NR1H3: variants seen among roughly 807,000 people sequenced by gnomAD.
NR1H3 encodes the protein nuclear receptor subfamily 1 group H member 3.
In NR1H3, 19 loss-of-function variants were observed where a neutral mutation model predicts 48.1. The ratio of observed to expected loss-of-function variants is 0.40; its 90% CI spans 0.28 to 0.58. The LOEUF (loss-of-function observed/expected upper bound fraction) is 0.58, where lower values mean the gene tolerates loss of function less well. NR1H3 is among the 20% of genes least tolerant of loss of function. NR1H3 has a pLI of 0.50. For missense variants in NR1H3, 486 were observed against 595.9 expected, an observed-to-expected ratio of 0.82 and a Z score of 1.92; for synonymous variants, 232 against 227.3, an observed-to-expected ratio of 1.02 and a Z score of -0.19.
chr11:47,265,092 G>A (rs1223171220), intron 7 of NR1H3, among the ~76,000 whole-genome samples: 4 of 152,084 alleles, frequency 2.6e-5, no homozygotes, highest in African/African-American at 7.2e-5. Context: ...TCAGGAGTTC[G>A]AGACCAGCCT....
At chr11:47,259,010 C>G in intron 1 of NR1H3, 170 bp from the exon 2 acceptor site, 3 of 1,253,506 alleles carry the variant, frequency 2.4e-6, no homozygotes, top group Non-Finnish European at 3.2e-6. Flanking sequence ...GAACCTGTCT[C>G]TAAAAAACAT....
At chr11:47,251,261 C>T (rs2135562072) in intron 1 of NR1H3, among the ~76,000 whole-genome samples, 1 of 152,238 alleles carries the variant, frequency 6.6e-6, no homozygotes, top group Middle Eastern at 3.4e-3. Flanking sequence ...ATTGGTGATC[C>T]CGAAATCCTT....
Position 47,260,090 on chromosome 11 carries a change from G to A in NR1H3, c.232+111G>A, listed in dbSNP as rs568444408. ...ATATATAATCTCATGGTTAAGTTCA[G>A]AGGCTTTAGAGCTAACTAAATCTGA... On this transcript the variant is annotated intron_variant, in intron 3 of 9. Coordinates refer to ENST00000441012, the MANE Select transcript of NR1H3 (RefSeq NM_005693.4). The A allele has an allele frequency of 1.9e-5, 19 of 1,017,738 alleles. No homozygotes were observed. The African/African-American group carries it at 2.8e-4, about 15-fold the overall frequency. The allele number at this position is 1,017,738 out of a possible 1,614,324, so 63.0% of individuals were successfully genotyped here.
chr11:47,264,336 C>T (rs889425591), intron 7 of NR1H3, among the ~76,000 whole-genome samples: 2 of 152,204 alleles, frequency 1.3e-5, no homozygotes, highest in South Asian at 2.1e-4. Context: ...GGCCAGCTCA[C>T]GTGCCTCTTG....
chr11:47,249,479 C>T (rs537503325), intron 1 of NR1H3, among the ~76,000 whole-genome samples: 1 of 152,282 alleles, frequency 6.6e-6, no homozygotes, highest in Admixed American at 6.5e-5. Context: ...TGTCATGCCT[C>T]TTCCCAAAGG....
chr11:47,250,256 A>G (rs913810845), intron 1 of NR1H3, among the ~76,000 whole-genome samples: 1 of 152,008 alleles, frequency 6.6e-6, no homozygotes, highest in Non-Finnish European at 1.5e-5. Flanking sequence ...AAAAAAGTTT[A>G]AAAATTAGCT....
chr11:47,261,683 G>C lies in NR1H3; in HGVS notation c.845G>C (p.Ser282Thr). 4.3e-6 allele frequency: 7 copies of C among 1,614,188 alleles called. No homozygotes were observed. Among genetic ancestry groups the C allele is most frequent in the Non-Finnish European group, 5.1e-6 (6 of 1,180,050 alleles). ...CAGCTACCCGGCTTCCTGCAGCTCAGCCGGGAGGACCAGATTGCCCTGCTG... is the reference window on the plus strand; with the variant it reads ...CAGCTACCCGGCTTCCTGCAGCTCACCCGGGAGGACCAGATTGCCCTGCTG... The part of the protein sequence containing the change: ...AKQLPGFLQL[S>T]REDQIALLKT... The change falls in exon 6 of 10, where the codon AGC (serine) becomes ACC (threonine). Residue 282 changes from serine (S) to threonine (T), a missense_variant. Physicochemically the swap from Ser to Thr is moderately conservative, Grantham distance 58. Coordinates refer to ENST00000441012, the MANE Select transcript of NR1H3 (RefSeq NM_005693.4).
chr11:47,268,427 C>T, intron 9 of NR1H3, 72 bp downstream of exon 9: 1 of 1,591,818 alleles, frequency 6.3e-7, no homozygotes, highest in Non-Finnish European at 8.6e-7. Flanking sequence ...CCTACTTTCC[C>T]TTCAAGAATT....
chr11:47,248,869 G>A (rs2135550300), upstream of NR1H3: 4 of 1,550,784 alleles, frequency 2.6e-6, 1 homozygote, highest in South Asian at 4.8e-5. Flanking sequence ...GCACCCGTAA[G>A]GACACACGCC....
At chr11:47,251,946 A>G (rs1954695994) in intron 1 of NR1H3, among the ~76,000 whole-genome samples, 1 of 152,108 alleles carries the variant, frequency 6.6e-6, no homozygotes, top group Non-Finnish European at 1.5e-5. Context: ...GCAAGTAGAT[A>G]GTAGAGCCTG....
intron 7 of NR1H3, among the ~76,000 whole-genome samples, chr11:47,267,490 G>T (rs974146308): frequency 1.3e-5 from 2 of 151,408 alleles, no homozygotes; most frequent in Non-Finnish European, 2.9e-5. Context: ...TTTGCTCAAG[G>T]TTACACAGCA....
chr11:47,268,099 TGGGGGGA>T, intron 8 of NR1H3, 73 bp downstream of exon 8: 2 of 805,390 alleles, frequency 2.5e-6, no homozygotes, highest in Non-Finnish European at 3.9e-6. Context: ...CAGGAATCGG[TGGGGGGA>T]GGGGGGTGGT....
chr11:47,255,594 T>TC (rs1491215347), upstream of NR1H3, among the ~76,000 whole-genome samples: 407 of 75,678 alleles, frequency 5.4e-3, 2 homozygotes, highest in South Asian at 0.023. Flanking sequence ...TCTTTCTTTC[T>TC]TTCTCTCTCT....
chr11:47,259,969 A>C lies in NR1H3; in HGVS notation c.222A>C (p.Ser74=). 1 of 1,534,620 alleles carries C rather than the reference A, an allele frequency of 6.5e-7. No homozygotes were observed. Among genetic ancestry groups the C allele is most frequent in the South Asian group, 1.3e-5 (1 of 78,204 alleles). Residue 74 remains serine (S), a synonymous_variant, in exon 3 of 10, where the codon TCA becomes TCC. Transcript: ENST00000441012. ...TGCTCACCAGGGCAGAGCCCCCTTC[A>C]GAACCCACAGGTGAGGAGCTTCTGG... The part of the protein sequence containing the change: ...TALLTRAEPP[S]EPTEIRPQKR...
intron 1 of NR1H3, among the ~76,000 whole-genome samples, chr11:47,250,889 C>T (rs190458508): frequency 1.3e-5 from 2 of 152,328 alleles, no homozygotes; most frequent in East Asian, 1.9e-4. Context: ...TGGCCGGGTG[C>T]GTGCTCACGC....
upstream of NR1H3, among the ~76,000 whole-genome samples, chr11:47,256,206 A>G (rs1392388221): frequency 6.7e-6 from 1 of 150,244 alleles, no homozygotes; most frequent in East Asian, 2.0e-4. Flanking sequence ...ATGCCTGGCT[A>G]ACTTTTGTAT....
At chr11:47,266,445 G>A (rs1439458912) in intron 7 of NR1H3, among the ~76,000 whole-genome samples, 1 of 149,058 alleles carries the variant, frequency 6.7e-6, no homozygotes, top group Non-Finnish European at 1.5e-5. Context: ...CAAGCAATTC[G>A]CCTGCTCAGC....
chr11:47,255,174 G>T (rs1004697165), upstream of NR1H3, among the ~76,000 whole-genome samples: 1 of 152,186 alleles, frequency 6.6e-6, no homozygotes, highest in Non-Finnish European at 1.5e-5. Context: ...GGCCCAAGAC[G>T]CAACAAGACA....
intron 1 of NR1H3, 156 bp downstream of exon 1, chr11:47,258,285 A>G: frequency 1.2e-6 from 1 of 807,608 alleles, no homozygotes; most frequent in Non-Finnish European, 1.5e-6. Context: ...GGGTCCCAGA[A>G]TAACTCATGA....
Sources: allele counts gnomAD v4.1 joint callset (sites outside exome capture counted in the v4.1 genomes callset), GRCh38; gene constraint gnomAD v4.1.1; transcripts MANE v1.5; gene names NCBI Gene and HGNC (gene_info 2026-07-23, HGNC 2026-07-21).